The following GRIP1 variants were observed in gnomAD, a reference collection of about 807,000 sequenced individuals.
GRIP1 encodes the protein glutamate receptor-interacting protein 1.
GRIP1 carries 45 observed loss-of-function variants against 129.9 expected under a neutral mutation model. The observed-to-expected ratio is 0.35, with a 90% confidence interval of 0.27 to 0.44. GRIP1 has a LOEUF of 0.44. Ranked by LOEUF, GRIP1 falls within the 20% of genes least tolerant of loss-of-function variation. The pLI, the probability that GRIP1 is intolerant of heterozygous loss-of-function variation, is 1.00. For missense variants in GRIP1, 1,196 were observed against 1,396.8 expected (o/e 0.86, Z 2.29); for synonymous variants, 530 against 520.8 (o/e 1.02, Z -0.24).
chr12:67,018,775 T>C (rs2042823996), intron 1 of GRIP1, among the ~76,000 whole-genome samples: 1 of 152,144 alleles, frequency 6.6e-6, no homozygotes, highest in African/African-American at 2.4e-5. Context: ...CTCCATTTTG[T>C]AAAACCAATT....
chr12:66,852,040 TA>T (rs1387307623), intron 1 of GRIP1, among the ~76,000 whole-genome samples: 3 of 152,076 alleles, frequency 2.0e-5, no homozygotes, highest in Non-Finnish European at 1.5e-5. Flanking sequence ...ATTGATGGGA[TA>T]AAATTTCAAT....
At chr12:66,573,656 T>C (rs1412924551) in intron 2 of GRIP1, among the ~76,000 whole-genome samples, 1 of 152,150 alleles carries the variant, frequency 6.6e-6, no homozygotes, top group Non-Finnish European at 1.5e-5. Context: ...TGCCTTCCTA[T>C]GCTTAGAAAG....
chr12:66,790,760 C>T (rs1232038275), intron 1 of GRIP1, among the ~76,000 whole-genome samples: 3 of 152,048 alleles, frequency 2.0e-5, no homozygotes, highest in Admixed American at 6.6e-5. Flanking sequence ...TAATGCACCA[C>T]CCAGAAGACA....
intron 11 of GRIP1, among the ~76,000 whole-genome samples, chr12:66,447,880 T>C (rs566969247): frequency 6.6e-6 from 1 of 152,358 alleles, no homozygotes; most frequent in South Asian, 2.1e-4. Flanking sequence ...TCATCTGCTC[T>C]AGCTGGCGAC....
chr12:66,626,998 G>A (rs1390421931), intron 1 of GRIP1, among the ~76,000 whole-genome samples: 1 of 152,066 alleles, frequency 6.6e-6, no homozygotes, highest in Non-Finnish European at 1.5e-5. Context: ...CTAACCACAG[G>A]TGCTTACAGA....
chr12:66,395,584 C>T (rs1048076945), intron 16 of GRIP1, among the ~76,000 whole-genome samples: 2 of 152,200 alleles, frequency 1.3e-5, no homozygotes, highest in African/African-American at 4.8e-5. Context: ...AGCAATGTGT[C>T]CTCTCTCGCC....
intron 1 of GRIP1, among the ~76,000 whole-genome samples, chr12:66,943,089 A>G (rs2137455930): frequency 6.6e-6 from 1 of 152,346 alleles, no homozygotes; most frequent in East Asian, 1.9e-4. Flanking sequence ...AAATGTAAAA[A>G]TTTGGGAGAT....
intron 1 of GRIP1, among the ~76,000 whole-genome samples, chr12:66,660,291 TC>T (rs1321311904): frequency 9.1e-6 from 1 of 110,078 alleles, no homozygotes; most frequent in Non-Finnish European, 2.0e-5. Context: ...ATAATATATC[TC>T]CTATTATAAT....
chr12:66,994,532 T>C (rs571379267), intron 1 of GRIP1, among the ~76,000 whole-genome samples: 11 of 151,526 alleles, frequency 7.3e-5, no homozygotes, highest in Non-Finnish European at 1.5e-4. Flanking sequence ...GCTAACATCA[T>C]ACGTGATGAA....
chr12:66,652,541 C>T (rs1244251290), intron 1 of GRIP1, among the ~76,000 whole-genome samples: 1 of 152,166 alleles, frequency 6.6e-6, no homozygotes, highest in Non-Finnish European at 1.5e-5. Context: ...GGAGATAGTG[C>T]TTTGCCTTCA....
chr12:67,046,385 C>T (rs1306301138), intron 1 of GRIP1, among the ~76,000 whole-genome samples: 1 of 152,166 alleles, frequency 6.6e-6, no homozygotes, highest in African/African-American at 2.4e-5. Context: ...CGATTCCCTT[C>T]CATACAAGAT....
chr12:66,590,679 T>G (rs539646992), intron 2 of GRIP1, among the ~76,000 whole-genome samples: 1 of 152,340 alleles, frequency 6.6e-6, no homozygotes, highest in Non-Finnish European at 1.5e-5. Flanking sequence ...TAGGGTGTTT[T>G]AGGACTGCAC....
intron 1 of GRIP1, among the ~76,000 whole-genome samples, chr12:67,006,011 C>T (rs1857714): frequency 0.32 from 48,113 of 152,078 alleles, 8,246 homozygotes; most frequent in Admixed American, 0.39. Flanking sequence ...ATAATATCCA[C>T]ATACCAGCTC....
chr12:66,716,029 T>C (rs760789857), intron 1 of GRIP1, among the ~76,000 whole-genome samples: 1 of 152,064 alleles, frequency 6.6e-6, no homozygotes. Flanking sequence ...GTTGGTGATA[T>C]ATTTAGGATA....
chr12:66,549,847 G>C lies in GRIP1; in HGVS notation c.137-7897C>G, dbSNP rs2062066368. ...ATGATTGGGATTTATCTCATGCAGT[G>C]ATGGGAGGGCTGGATTAATATCTGT... is the stretch of plus-strand genomic sequence containing the variant. On this transcript the variant is annotated intron_variant, in intron 2 of 24. Coordinates refer to ENST00000359742, the MANE Select transcript of GRIP1 (RefSeq NM_001366722.1). Among the ~76,000 whole-genome samples, 3 of 152,214 alleles carry C rather than the reference G, an allele frequency of 2.0e-5. No homozygotes were observed. The South Asian group carries it at 6.2e-4, about 32-fold the overall frequency.
chr12:67,005,891 G>A lies in GRIP1; in HGVS notation c.58+63159C>T, dbSNP rs1200515712. On this transcript the variant is annotated intron_variant, in intron 1 of 1. Transcript: ENST00000643019. ...ACAACTACACCAATGGTAAAGACTA[G>A]TGACTTACATCACATTTAAATAAGA... Among the ~76,000 whole-genome samples the A allele has an allele frequency of 6.6e-5, 10 of 152,200 alleles. No individual in the cohort carries two copies. In the East Asian group the frequency reaches 1.9e-3, roughly 29 times the overall value.
chr12:66,583,644 A>G (rs1223989886), intron 2 of GRIP1, among the ~76,000 whole-genome samples: 1 of 140,474 alleles, frequency 7.1e-6, no homozygotes, highest in African/African-American at 2.6e-5. Context: ...GCAGCCAAAA[A>G]ACACATGAAA....
At chr12:66,480,880 C>T (rs539022309) in intron 7 of GRIP1, among the ~76,000 whole-genome samples, 3 of 152,186 alleles carry the variant, frequency 2.0e-5, no homozygotes, top group African/African-American at 7.2e-5. Flanking sequence ...TGAAACTGGA[C>T]CCCTTTCTTA....
chr12:66,814,803 C>T (rs923766593), intron 1 of GRIP1, among the ~76,000 whole-genome samples: 2 of 148,062 alleles, frequency 1.4e-5, no homozygotes, highest in African/African-American at 5.0e-5. Flanking sequence ...GCTGAGGAGG[C>T]CTCAGGAAAC....
Sources: allele counts gnomAD v4.1 joint callset (sites outside exome capture counted in the v4.1 genomes callset), GRCh38; gene constraint gnomAD v4.1.1; transcripts MANE v1.5; gene names NCBI Gene and HGNC (gene_info 2026-07-23, HGNC 2026-07-21).